PPM1D: variants seen among roughly 807,000 people sequenced by gnomAD.
PPM1D encodes the protein protein phosphatase 1D.
Under a neutral mutation model 58.3 loss-of-function variants are expected in PPM1D, and 52 were observed. The observed-to-expected ratio is 0.89, with a 90% confidence interval of 0.71 to 1.12. PPM1D has a LOEUF of 1.12. PPM1D is among the 50% of genes most tolerant of loss of function. The probability of loss-of-function intolerance (pLI) is 0.00; values close to 1 mark genes in which losing one functional copy is unlikely to be tolerated. For missense variants in PPM1D, 564 were observed against 777.2 expected (o/e 0.73, Z 3.26); for synonymous variants, 278 against 285.1 (o/e 0.98, Z 0.25).
intron 1 of PPM1D, among the ~76,000 whole-genome samples, chr17:60,621,022 A>C (rs1167762934): frequency 6.6e-6 from 1 of 151,942 alleles, no homozygotes; most frequent in Non-Finnish European, 1.5e-5. Context: ...TCCAAGGTTC[A>C]AGCGATTTGC....
At chr17:60,640,999 A>G (rs1297426064) in intron 3 of PPM1D, among the ~76,000 whole-genome samples, 2 of 151,052 alleles carry the variant, frequency 1.3e-5, no homozygotes, top group African/African-American at 4.9e-5. Context: ...TATGCATTTC[A>G]CTTTTGATGG....
chr17:60,633,146 A>G (rs74476342), intron 2 of PPM1D, among the ~76,000 whole-genome samples: 7,075 of 149,584 alleles, frequency 0.047, 591 homozygotes, highest in African/African-American at 0.16. Flanking sequence ...ATAGCCAGGC[A>G]TGGTAGCATA....
At chr17:60,601,059 C>A (rs1433412405) in intron 1 of PPM1D, among the ~76,000 whole-genome samples, 173 bp downstream of exon 1, 1 of 152,194 alleles carries the variant, frequency 6.6e-6, no homozygotes, top group Non-Finnish European at 1.5e-5. Flanking sequence ...GCAAACCAAG[C>A]GGCCTTGGGG....
At chr17:60,606,202 TC>T (rs1481747506) in intron 1 of PPM1D, among the ~76,000 whole-genome samples, 4 of 152,242 alleles carry the variant, frequency 2.6e-5, no homozygotes, top group African/African-American at 9.6e-5. Context: ...TCTTTAGAGT[TC>T]ATTCATATTG....
Position 60,656,758 on chromosome 17 carries a change from C to G in PPM1D, c.1177C>G (p.Leu393Val), listed in dbSNP as rs771831676. ...GNFTNEDELYLNLTDSPSYNS... is the reference protein window; with the variant it reads ...GNFTNEDELYVNLTDSPSYNS... ...CTTTACCAATGAAGATGAGTTATAC[C>G]TGAACCTGACTGACAGCCCTTCCTA... The change falls in exon 5 of 6, where the codon CTG (leucine) becomes GTG (valine). Residue 393 changes from leucine to valine, a missense_variant. This residue lies in a region of PPM1D where 261 missense variants were observed against 270.1 expected (regional missense o/e 0.97). Coordinates refer to ENST00000305921, the MANE Select transcript of PPM1D (RefSeq NM_003620.4). 3.3e-5 allele frequency: 54 copies of G among 1,614,044 alleles called. No homozygotes were observed. In the Middle Eastern group the frequency reaches 4.6e-3, roughly 138 times the overall value.
At chr17:60,609,635 C>T (rs2030413254) in intron 1 of PPM1D, among the ~76,000 whole-genome samples, 1 of 152,138 alleles carries the variant, frequency 6.6e-6, no homozygotes, top group Non-Finnish European at 1.5e-5. Flanking sequence ...CCCAGCATAT[C>T]TACGCTGTAT....
chr17:60,611,135 C>G (rs1267942786), intron 1 of PPM1D, among the ~76,000 whole-genome samples: 1 of 152,084 alleles, frequency 6.6e-6, no homozygotes, highest in Non-Finnish European at 1.5e-5. Flanking sequence ...ATCCTCCTGC[C>G]TCAGCCTCCC....
chr17:60,646,249 A>G (rs2031249047), intron 3 of PPM1D, among the ~76,000 whole-genome samples: 2 of 152,316 alleles, frequency 1.3e-5, no homozygotes, highest in South Asian at 4.1e-4. Flanking sequence ...AGAGGGCTGA[A>G]TTGCTTTTTG....
intron 1 of PPM1D, among the ~76,000 whole-genome samples, chr17:60,622,969 CG>C (rs1285185431): frequency 6.6e-6 from 1 of 152,066 alleles, no homozygotes; most frequent in African/African-American, 2.4e-5. Context: ...TGGTGGCAGG[CG>C]CCTGTAATAC....
chr17:60,615,826 C>T (rs769362348), intron 1 of PPM1D, among the ~76,000 whole-genome samples: 2 of 151,648 alleles, frequency 1.3e-5, no homozygotes, highest in Non-Finnish European at 2.9e-5. Flanking sequence ...CCTCCCTCCC[C>T]CTTTTTTAAG....
intron 1 of PPM1D, among the ~76,000 whole-genome samples, chr17:60,601,702 A>G (rs188209543): frequency 6.6e-6 from 1 of 152,346 alleles, no homozygotes; most frequent in East Asian, 1.9e-4. Flanking sequence ...AAGGCAAGGA[A>G]TTACTGTATG....
intron 2 of PPM1D, among the ~76,000 whole-genome samples, chr17:60,624,199 G>A (rs2030759143): frequency 1.3e-5 from 2 of 152,178 alleles, no homozygotes; most frequent in South Asian, 4.1e-4. Flanking sequence ...GTTTCAATGT[G>A]TAAGTAATTT....
At chr17:60,638,141 CT>C (rs1333943001) in intron 3 of PPM1D, among the ~76,000 whole-genome samples, 1 of 152,126 alleles carries the variant, frequency 6.6e-6, no homozygotes, top group East Asian at 1.9e-4. Flanking sequence ...ATAGAAGTTA[CT>C]TTACTTCAAC....
At chr17:60,614,914 C>T (rs1050976738) in intron 1 of PPM1D, among the ~76,000 whole-genome samples, 1 of 152,158 alleles carries the variant, frequency 6.6e-6, no homozygotes, top group African/African-American at 2.4e-5. Context: ...CTGTAACACT[C>T]GTGGCAAGGG....
chr17:60,640,695 C>G (rs916739369), intron 3 of PPM1D, among the ~76,000 whole-genome samples: 1 of 152,160 alleles, frequency 6.6e-6, no homozygotes, highest in Non-Finnish European at 1.5e-5. Flanking sequence ...CCTTCTCTCC[C>G]TTCTCCCTCT....
At chr17:60,624,151 A>G (rs1437188722) in intron 2 of PPM1D, among the ~76,000 whole-genome samples, 4 of 152,180 alleles carry the variant, frequency 2.6e-5, no homozygotes, top group African/African-American at 7.2e-5. Context: ...ATTTACTGCA[A>G]ACCTTTCCAG....
intron 4 of PPM1D, among the ~76,000 whole-genome samples, chr17:60,651,261 G>A (rs191030839): frequency 7.8e-4 from 119 of 152,316 alleles, no homozygotes; most frequent in African/African-American, 2.7e-3. Flanking sequence ...ACCACATGCC[G>A]TAGGGAATGT....
Position 60,600,603 on chromosome 17 carries a change from C to G in PPM1D, c.189C>G (p.Val63=). 6.4e-7 allele frequency: 1 copy of G among 1,559,954 alleles called. No individual in the cohort carries two copies. The highest frequency in any genetic ancestry group is 1.2e-5 in the South Asian group (1 of 85,394). ...CGGCCGCCCTTCCCGGCGGCGAAGT[C>G]TCGGGGAAAGGCCCAGCGGTGGCAG... is the stretch of plus-strand genomic sequence containing the variant. The part of the protein sequence containing the change: ...PSPAALPGGE[V]SGKGPAVAAR... The change falls in exon 1 of 6, where the codon GTC becomes GTG. Residue 63 remains valine, a synonymous_variant. Coordinates refer to ENST00000305921, the MANE Select transcript of PPM1D (RefSeq NM_003620.4).
At chr17:60,616,659 AC>A (rs1369227109) in intron 1 of PPM1D, among the ~76,000 whole-genome samples, 1 of 152,170 alleles carries the variant, frequency 6.6e-6, no homozygotes, top group African/African-American at 2.4e-5. Context: ...ATTAAAAAGT[AC>A]TATAAATAGA....
Sources: allele counts gnomAD v4.1 joint callset (sites outside exome capture counted in the v4.1 genomes callset), GRCh38; gene constraint gnomAD v4.1.1; regional missense constraint gnomAD v4.1.1; transcripts MANE v1.5; gene names NCBI Gene and HGNC (gene_info 2026-07-23, HGNC 2026-07-21).